The following MAPRE2 variants were observed in gnomAD, a reference collection of about 807,000 sequenced individuals.
MAPRE2 encodes the protein microtubule-associated protein RP/EB family member 2.
In MAPRE2, 13 loss-of-function variants were observed where a neutral mutation model predicts 43.2. The ratio of observed to expected loss-of-function variants is 0.30; its 90% confidence interval spans 0.20 to 0.48. MAPRE2 has a LOEUF of 0.48. MAPRE2 is among the 20% of genes least tolerant of loss of function. The pLI is 0.99. For missense variants in MAPRE2, 161 were observed against 400.2 expected, an observed-to-expected ratio of 0.40 and a Z score of 5.10; for synonymous variants, 135 against 148.8, an observed-to-expected ratio of 0.91 and a Z score of 0.68.
chr18:35,017,268 G>T (rs1227563088), intron 2 of MAPRE2, among the ~76,000 whole-genome samples: 1 of 108,518 alleles, frequency 9.2e-6, no homozygotes, highest in Non-Finnish European at 1.9e-5. Flanking sequence ...TTTTTGCATA[G>T]GATTGCTTTG....
intron 1 of MAPRE2, among the ~76,000 whole-genome samples, chr18:34,979,933 C>T (rs969790411): frequency 1.8e-4 from 28 of 151,910 alleles, no homozygotes; most frequent in African/African-American, 5.3e-4. Context: ...AATACCTCTT[C>T]ACTATTTTTA....
At chr18:35,122,485 T>C (rs899961302) in intron 4 of MAPRE2, among the ~76,000 whole-genome samples, 10 of 152,242 alleles carry the variant, frequency 6.6e-5, no homozygotes, top group African/African-American at 1.4e-4. Context: ...TTTCCTGTTA[T>C]CAGTTTTTCT....
chr18:35,053,889 A>G (rs1906080902), intron 1 of MAPRE2, among the ~76,000 whole-genome samples: 1 of 152,174 alleles, frequency 6.6e-6, no homozygotes, highest in Non-Finnish European at 1.5e-5. Context: ...CCCCCATGAC[A>G]TGAGTTTACC....
intron 4 of MAPRE2, among the ~76,000 whole-genome samples, chr18:35,121,287 A>T (rs2144224583): frequency 6.6e-6 from 1 of 152,334 alleles, no homozygotes; most frequent in Admixed American, 6.5e-5. Context: ...TCACTAAGGC[A>T]GTGAATCTGA....
intron 1 of MAPRE2, among the ~76,000 whole-genome samples, chr18:34,993,252 C>T (rs922965914): frequency 1.3e-5 from 2 of 149,962 alleles, no homozygotes; most frequent in Non-Finnish European, 3.0e-5. Flanking sequence ...CCACCATTCC[C>T]GCCTTTTTTT....
intron 5 of MAPRE2, among the ~76,000 whole-genome samples, chr18:35,130,534 T>A (rs1221918983): frequency 6.6e-6 from 1 of 151,994 alleles, no homozygotes; most frequent in Non-Finnish European, 1.5e-5. Context: ...TAATTCCAGA[T>A]GGATAAAGCA....
At chr18:35,078,729 C>T (rs191165118) in intron 2 of MAPRE2, among the ~76,000 whole-genome samples, 21 of 151,994 alleles carry the variant, frequency 1.4e-4, no homozygotes, top group African/African-American at 4.6e-4. Context: ...TTAAGCATCT[C>T]CTCTAAGAAA....
chr18:35,054,092 T>C (rs749382670), intron 1 of MAPRE2, among the ~76,000 whole-genome samples: 96 of 152,204 alleles, frequency 6.3e-4, no homozygotes, highest in Admixed American at 5.2e-4. Flanking sequence ...AAACTTGATC[T>C]CTTTCCATTC....
At chr18:35,041,318 A>T (rs1905343456), upstream of MAPRE2, 2 of 1,421,006 alleles carry the variant, frequency 1.4e-6, no homozygotes, top group Admixed American at 5.8e-5. Context: ...CCATGGCAAC[A>T]GGCTGGCCAC....
intron 2 of MAPRE2, among the ~76,000 whole-genome samples, chr18:35,023,816 C>T (rs2097043426): frequency 6.6e-6 from 1 of 151,962 alleles, no homozygotes; most frequent in South Asian, 2.1e-4. Flanking sequence ...CTAAATGATG[C>T]CCAGGATAAT....
At chr18:35,011,683 G>T (rs1218334748) in intron 2 of MAPRE2, among the ~76,000 whole-genome samples, 1 of 152,174 alleles carries the variant, frequency 6.6e-6, no homozygotes, top group Non-Finnish European at 1.5e-5. Context: ...GGCTATAGTG[G>T]TGACAGCTGG....
Position 35,041,562 on chromosome 18 carries a change from T to C in MAPRE2, c.23T>C (p.Leu8Pro), listed in dbSNP as rs1318128440. 1 of 1,614,172 alleles carries C rather than the reference T, an allele frequency of 6.2e-7. No homozygotes were observed. The highest frequency in any genetic ancestry group is 8.5e-7 in the Non-Finnish European group (1 of 1,180,026). The change falls in exon 1 of 7, where the codon CTG (leucine) becomes CCG (proline). Residue 8 changes from leucine to proline, a missense_variant. Leu to Pro is a moderately conservative substitution (Grantham distance 98, BLOSUM62 -3). This residue lies in a region of MAPRE2 where 65 missense variants were observed against 246.9 expected (regional missense o/e 0.26). Coordinates refer to ENST00000300249, the MANE Select transcript of MAPRE2 (RefSeq NM_014268.4). MPGPTQTLSPNGENNNDI... is the reference protein window; with the variant it reads MPGPTQTPSPNGENNNDI... ...CCAATGCCTGGGCCGACCCAAACCC[T>C]GTCCCCAAATGGCGAGAACAACAAC...
chr18:35,140,290 C>T lies in MAPRE2; in HGVS notation c.910-5C>T, dbSNP rs767906809. ...TCTCAGCTGAAACTTCTCCCCTGCC[C>T]ACAGGAGGGCCACACAGAAGAGCCG... On this transcript the variant is annotated splice_polypyrimidine_tract_variant and splice_region_variant and intron_variant, in intron 6 of 6. Coordinates refer to ENST00000300249, the MANE Select transcript of MAPRE2 (RefSeq NM_014268.4). 18 of 1,613,026 alleles carry T rather than the reference C, an allele frequency of 1.1e-5. No individual in the cohort carries two copies. The highest frequency in any genetic ancestry group is 2.2e-5 in the South Asian group (2 of 90,792).
chr18:35,046,310 A>C (rs1312244219), intron 1 of MAPRE2, among the ~76,000 whole-genome samples: 1 of 152,204 alleles, frequency 6.6e-6, no homozygotes, highest in Non-Finnish European at 1.5e-5. Flanking sequence ...TAAAAGACTT[A>C]CAGTGTTGGT....
chr18:34,981,877 A>AATTTTT (rs2097016441), intron 1 of MAPRE2, among the ~76,000 whole-genome samples: 1 of 35,892 alleles, frequency 2.8e-5, no homozygotes. Flanking sequence ...TTTTTTTTTT[A>AATTTTT]TTTTTATTTA....
At chr18:35,117,040 C>T (rs1057250579) in intron 4 of MAPRE2, among the ~76,000 whole-genome samples, 2 of 152,146 alleles carry the variant, frequency 1.3e-5, no homozygotes, top group African/African-American at 4.8e-5. Flanking sequence ...TGCAGCAAAC[C>T]ACATGGGAGA....
intron 1 of MAPRE2, among the ~76,000 whole-genome samples, chr18:35,048,641 A>ATATACAC (rs1461863117): frequency 6.7e-6 from 1 of 149,084 alleles, no homozygotes; most frequent in Non-Finnish European, 1.5e-5. Flanking sequence ...CATATACTAT[A>ATATACAC]TGTGTATATG....
chr18:35,010,217 T>A (rs1045169140), intron 2 of MAPRE2, among the ~76,000 whole-genome samples: 2 of 152,070 alleles, frequency 1.3e-5, no homozygotes, highest in Non-Finnish European at 2.9e-5. Flanking sequence ...CAAGACCTCA[T>A]CTCTCTACAA....
At chr18:35,038,802 CCT>C (rs1440417778), upstream of MAPRE2, among the ~76,000 whole-genome samples, 4 of 152,156 alleles carry the variant, frequency 2.6e-5, no homozygotes, top group African/African-American at 9.7e-5. Context: ...AATTATTACC[CCT>C]GTTACCCCTG....
Sources: allele counts gnomAD v4.1 joint callset (sites outside exome capture counted in the v4.1 genomes callset), GRCh38; gene constraint gnomAD v4.1.1; regional missense constraint gnomAD v4.1.1; transcripts MANE v1.5; gene names NCBI Gene and HGNC (gene_info 2026-07-23, HGNC 2026-07-21).